Variants in FNDC3B observed in about 807,000 individuals in gnomAD.
FNDC3B encodes the protein fibronectin type III domain-containing protein 3B.
A neutral mutation model predicts 151.5 loss-of-function variants in FNDC3B; 12 were observed. The ratio of observed to expected loss-of-function variants is 0.08; its 90% confidence interval spans 0.05 to 0.13. The LOEUF (loss-of-function observed/expected upper bound fraction) is 0.13. Ranked by LOEUF, FNDC3B falls within the 10% of genes least tolerant of loss-of-function variation. The pLI is 1.00. For synonymous variants in FNDC3B, 528 were observed against 549.0 expected (o/e 0.96, Z 0.54); for missense variants, 1,214 against 1,505.3 (o/e 0.81, Z 3.20).
At chr3:172,168,857 C>T (rs1208771381) in intron 3 of FNDC3B, among the ~76,000 whole-genome samples, 1 of 150,844 alleles carries the variant, frequency 6.6e-6, no homozygotes, top group South Asian at 2.1e-4. Flanking sequence ...GGACTACAGG[C>T]GGCGCCACCA....
intron 1 of FNDC3B, among the ~76,000 whole-genome samples, chr3:172,077,679 G>A (rs1718079452): frequency 6.6e-6 from 1 of 152,000 alleles, no homozygotes; most frequent in African/African-American, 2.4e-5. Flanking sequence ...TCTTTTCTGT[G>A]GTCTCATGTA....
chr3:172,115,426 T>C (rs940515476), intron 2 of FNDC3B, among the ~76,000 whole-genome samples: 7 of 152,192 alleles, frequency 4.6e-5, no homozygotes, highest in Non-Finnish European at 8.8e-5. Flanking sequence ...AGTGTGGGGC[T>C]GCATGAGTTT....
Position 172,390,540 on chromosome 3 carries a change from C to CT in FNDC3B, c.3304-6611dup, listed in dbSNP as rs1173476820. 3.5e-3 allele frequency among the ~76,000 whole-genome samples: 502 copies of CT among 144,130 alleles called. 2 individuals carry two copies. The highest frequency in any genetic ancestry group is 5.3e-3 in the African/African-American group (211 of 39,556). The allele number at this position is 144,130 out of a possible 152,430, so 94.6% of individuals were successfully genotyped here. On this transcript the variant is annotated intron_variant, in intron 25 of 25. Coordinates refer to ENST00000415807, the MANE Select transcript of FNDC3B (RefSeq NM_022763.4). ...GAAATTAAATATACGTTTGGGCTCACTTTTTTTTTTTTTAAATCTTAACCA... is the reference window on the plus strand; with the variant it reads ...GAAATTAAATATACGTTTGGGCTCACTTTTTTTTTTTTTTAAATCTTAACCA...
intron 2 of FNDC3B, among the ~76,000 whole-genome samples, chr3:172,123,087 G>A (rs1424029300): frequency 6.6e-6 from 1 of 152,200 alleles, no homozygotes; most frequent in African/African-American, 2.4e-5. Context: ...TCCCCAGGCT[G>A]TAGTACAGTG....
In FNDC3B at chr3:172,042,775, C is replaced by G. The variant is rs569936841; in HGVS notation, c.-29+3004C>G. Among the ~76,000 whole-genome samples, 30 of 152,178 alleles carry G rather than the reference C, an allele frequency of 2.0e-4. 1 individual carries two copies. The highest frequency in any genetic ancestry group is 7.2e-4 in the African/African-American group (30 of 41,504). On this transcript the variant is annotated intron_variant, in intron 1 of 25. Transcript: ENST00000415807. ...TGCTGTCCAGCATAGCAGCCACAAG[C>G]CACATGTAACTGAGTCTTTGAAATG...
chr3:172,064,394 C>T (rs996410070), intron 1 of FNDC3B, among the ~76,000 whole-genome samples: 1 of 152,080 alleles, frequency 6.6e-6, no homozygotes. Flanking sequence ...CCCATAATGA[C>T]CCGTTTTATA....
intron 15 of FNDC3B, among the ~76,000 whole-genome samples, chr3:172,336,452 C>G (rs936767105): frequency 1.3e-5 from 2 of 152,170 alleles, no homozygotes; most frequent in African/African-American, 4.8e-5. Flanking sequence ...TCTCATTGAT[C>G]CACACCTCTG....
intron 23 of FNDC3B, among the ~76,000 whole-genome samples, chr3:172,374,760 G>A (rs1394096048): frequency 6.6e-6 from 1 of 152,144 alleles, no homozygotes; most frequent in African/African-American, 2.4e-5. Flanking sequence ...TCATTTCACT[G>A]ATTGTACAGA....
chr3:172,395,326 A>G (rs1379851715), intron 25 of FNDC3B, among the ~76,000 whole-genome samples: 2 of 152,012 alleles, frequency 1.3e-5, no homozygotes, highest in African/African-American at 2.4e-5. Flanking sequence ...TTTTTTGAGG[A>G]TTGGTTTCAT....
intron 11 of FNDC3B, among the ~76,000 whole-genome samples, chr3:172,314,332 G>A (rs1576902078): frequency 1.3e-5 from 2 of 152,142 alleles, no homozygotes; most frequent in Admixed American, 1.3e-4. Flanking sequence ...AAGTTTTTGA[G>A]GTGCACAGAG....
chr3:172,241,119 G>T (rs1163771699), intron 4 of FNDC3B, among the ~76,000 whole-genome samples: 1 of 152,096 alleles, frequency 6.6e-6, no homozygotes, highest in Non-Finnish European at 1.5e-5. Flanking sequence ...GTTCACAGAG[G>T]CTAAACGTAT....
At chr3:172,267,220 A>C (rs1232085751) in intron 6 of FNDC3B, among the ~76,000 whole-genome samples, 6 of 149,960 alleles carry the variant, frequency 4.0e-5, no homozygotes, top group Non-Finnish European at 8.9e-5. Context: ...CAGTGGTGTG[A>C]TCTTGGCTCA....
chr3:172,143,469 T>C (rs545602073), intron 3 of FNDC3B, among the ~76,000 whole-genome samples: 1 of 152,364 alleles, frequency 6.6e-6, no homozygotes, highest in Admixed American at 6.5e-5. Context: ...CCAAACTTTG[T>C]ATTTATTTTT....
intron 23 of FNDC3B, among the ~76,000 whole-genome samples, chr3:172,364,119 A>C (rs780245511): frequency 3.3e-5 from 5 of 152,216 alleles, no homozygotes; most frequent in Non-Finnish European, 7.3e-5. Flanking sequence ...GAAAGATTAA[A>C]TTCATATCCA....
At chr3:172,311,482 A>G (rs1010389356) in intron 11 of FNDC3B, among the ~76,000 whole-genome samples, 1 of 152,068 alleles carries the variant, frequency 6.6e-6, no homozygotes, top group African/African-American at 2.4e-5. Flanking sequence ...CTGTGTGCCA[A>G]CTGGTGGACC....
intron 6 of FNDC3B, among the ~76,000 whole-genome samples, chr3:172,271,970 A>C (rs1729222023): frequency 6.6e-6 from 1 of 152,212 alleles, no homozygotes; most frequent in South Asian, 2.1e-4. Context: ...TTCTGGTAGA[A>C]CATGTGTGAA....
chr3:172,050,722 TG>T, intron 1 of FNDC3B, among the ~76,000 whole-genome samples: 1 of 150,212 alleles, frequency 6.7e-6, no homozygotes, highest in Non-Finnish European at 1.5e-5. Flanking sequence ...TGTGTGTGTG[TG>T]TGTGTGTGTG....
chr3:172,167,491 T>A (rs1295225987), intron 3 of FNDC3B, among the ~76,000 whole-genome samples: 1 of 152,244 alleles, frequency 6.6e-6, no homozygotes, highest in East Asian at 1.9e-4. Flanking sequence ...GGCACGTGGA[T>A]ATACTGGTTG....
chr3:172,202,534 A>G (rs1725210180), intron 3 of FNDC3B, among the ~76,000 whole-genome samples: 1 of 152,188 alleles, frequency 6.6e-6, no homozygotes, highest in African/African-American at 2.4e-5. Context: ...CACTTGATTC[A>G]ACTAACACCC....
Sources: gnomAD v4.1 joint callset for allele counts (sites outside exome capture counted in the v4.1 genomes callset) on GRCh38, gnomAD v4.1.1 for gene constraint, MANE v1.5 for transcripts, NCBI Gene and HGNC (gene_info 2026-07-23, HGNC 2026-07-21) for gene names.